Variants in STIM2 observed in about 807,000 individuals in gnomAD.
The protein encoded by STIM2 is stromal interaction molecule 2.
A neutral mutation model predicts 85.8 loss-of-function variants in STIM2; 31 were observed. The ratio of observed to expected loss-of-function variants is 0.36; its 90% CI spans 0.27 to 0.49. The LOEUF is 0.49. Among genes scored for constraint, STIM2 ranks in the 20% least tolerant of loss-of-function variants. STIM2 has a pLI of 0.98. For missense variants in STIM2, 841 were observed against 927.6 expected, an observed-to-expected ratio of 0.91 and a Z score of 1.21; for synonymous variants, 356 against 331.1, an observed-to-expected ratio of 1.08 and a Z score of -0.82.
At position 26,954,463 on chromosome 4, in the gene STIM2, A is replaced by G. The variant is rs1378049922; in HGVS notation, c.283-3149A>G. 2.0e-5 allele frequency among the ~76,000 whole-genome samples: 3 copies of G among 148,402 alleles called. No individual in the cohort carries two copies. In the East Asian group the frequency reaches 5.8e-4, roughly 29 times the overall value. On this transcript the variant is annotated intron_variant, in intron 2 of 11. Transcript: ENST00000467087. ...TTGAAGACTCACTTCATTGAATTTC[A>G]GATCCTATTTTCAGATTTCTCAATT...
chr4:27,002,787 C>T, intron 6 of STIM2, 140 bp from the exon 7 acceptor site: 1 of 833,772 alleles, frequency 1.2e-6, no homozygotes, highest in South Asian at 3.2e-5. Context: ...TTGTATTAAC[C>T]AAACTTAAGG....
chr4:26,899,110 T>TA (rs1445987620), intron 1 of STIM2, among the ~76,000 whole-genome samples: 1 of 152,046 alleles, frequency 6.6e-6, no homozygotes, highest in African/African-American at 2.4e-5. Flanking sequence ...AAGATTAAGG[T>TA]ATTCCCTTAT....
chr4:26,867,028 G>T (rs1308278299), intron 1 of STIM2, among the ~76,000 whole-genome samples: 4 of 152,084 alleles, frequency 2.6e-5, no homozygotes, highest in African/African-American at 9.7e-5. Flanking sequence ...TGGGTGGATG[G>T]CAATGAGGAG....
At chr4:27,008,315 G>A (rs963474555) in intron 8 of STIM2, 113 bp from the exon 9 acceptor site, 31 of 579,554 alleles carry the variant, frequency 5.3e-5, no homozygotes, top group Non-Finnish European at 4.1e-5. Context: ...TTCTCTACTG[G>A]TTTTATGATT....
chr4:26,887,553 T>C (rs1011892161), intron 1 of STIM2, among the ~76,000 whole-genome samples: 3 of 152,194 alleles, frequency 2.0e-5, no homozygotes, highest in Admixed American at 1.3e-4. Context: ...AAGTTCTTTG[T>C]TGCATTAAAC....
intron 1 of STIM2, among the ~76,000 whole-genome samples, chr4:26,893,952 G>T (rs1341268337): frequency 6.6e-6 from 1 of 152,018 alleles, no homozygotes; most frequent in Non-Finnish European, 1.5e-5. Context: ...GCAGTGGCGT[G>T]ATCTCAGCTC....
At chr4:27,002,143 T>TA in intron 5 of STIM2, 74 bp from the exon 6 acceptor site, 1 of 1,427,538 alleles carries the variant, frequency 7.0e-7, no homozygotes, top group South Asian at 1.5e-5. Context: ...AGATACTACT[T>TA]AAAAAATGTC....
At chr4:26,960,729 C>G (rs1726419778) in intron 3 of STIM2, among the ~76,000 whole-genome samples, 1 of 152,050 alleles carries the variant, frequency 6.6e-6, no homozygotes, top group African/African-American at 2.4e-5. Flanking sequence ...TTACTCAAAA[C>G]CTGTACAACT....
chr4:26,876,399 C>G (rs192485589), intron 1 of STIM2, among the ~76,000 whole-genome samples: 5 of 152,212 alleles, frequency 3.3e-5, no homozygotes, highest in Admixed American at 2.6e-4. Flanking sequence ...GTGGACTTTA[C>G]CTAGGTTTCC....
chr4:26,954,957 A>G (rs1365769870), intron 2 of STIM2, among the ~76,000 whole-genome samples: 3 of 147,126 alleles, frequency 2.0e-5, no homozygotes, highest in Non-Finnish European at 4.5e-5. Context: ...CATTGTGTTT[A>G]TTCAATTTTC....
intron 10 of STIM2, among the ~76,000 whole-genome samples, chr4:27,012,325 T>A (rs539375464): frequency 2.0e-5 from 3 of 151,746 alleles, no homozygotes; most frequent in South Asian, 2.1e-4. Flanking sequence ...GTTTAAAAAA[T>A]TTTTTTTTGA....
intron 1 of STIM2, among the ~76,000 whole-genome samples, chr4:26,908,324 G>A (rs1272512611): frequency 1.3e-5 from 2 of 152,186 alleles, no homozygotes; most frequent in East Asian, 1.9e-4. Context: ...TTGGACAGAC[G>A]TGGGCTGAAT....
At chr4:26,975,693 T>G (rs1202665987) in intron 3 of STIM2, among the ~76,000 whole-genome samples, 1 of 152,204 alleles carries the variant, frequency 6.6e-6, no homozygotes, top group Non-Finnish European at 1.5e-5. Flanking sequence ...GTCTCCCAGT[T>G]AGGCTACACA....
chr4:26,918,228 C>CT (rs367780616), intron 1 of STIM2, among the ~76,000 whole-genome samples: 11,512 of 130,488 alleles, frequency 0.088, 487 homozygotes, highest in South Asian at 0.12. Flanking sequence ...ATCAGTTTGA[C>CT]TTTTTTTTTT....
chr4:26,957,747 T>G, intron 3 of STIM2, 21 bp downstream of exon 3: 1 of 1,483,206 alleles, frequency 6.7e-7, no homozygotes, highest in Non-Finnish European at 9.3e-7. Context: ...CTTTGTGATC[T>G]GGCCCCCTCC....
chr4:26,891,404 G>A (rs768655241), intron 1 of STIM2, among the ~76,000 whole-genome samples: 2 of 152,124 alleles, frequency 1.3e-5, no homozygotes, highest in Non-Finnish European at 2.9e-5. Flanking sequence ...TTGGACTCAA[G>A]TAAAACATAA....
chr4:26,949,709 T>C (rs972186052), intron 2 of STIM2, among the ~76,000 whole-genome samples: 2 of 152,162 alleles, frequency 1.3e-5, no homozygotes, highest in African/African-American at 4.8e-5. Context: ...CGTATGTGTG[T>C]GTATTAACTT....
rs545434935 is a variant in STIM2 at position 26,966,469 on chromosome 4, A to G, written c.397+8743A>G. Among the ~76,000 whole-genome samples, 211 of 152,272 alleles carry G rather than the reference A, an allele frequency of 1.4e-3. 1 individual carries two copies. Among genetic ancestry groups the G allele is most frequent in the African/African-American group, 5.0e-3 (206 of 41,568 alleles). On this transcript the variant is annotated intron_variant, in intron 3 of 11. Transcript: ENST00000467087. ...GTTGAGAATGACATTGTCTTCAAAGATGGTCAGTTAACTTTTGTTTCTTTC... is the reference window on the plus strand; with the variant it reads ...GTTGAGAATGACATTGTCTTCAAAGGTGGTCAGTTAACTTTTGTTTCTTTC...
At chr4:26,870,195 A>G (rs374079986) in intron 1 of STIM2, among the ~76,000 whole-genome samples, 1 of 152,124 alleles carries the variant, frequency 6.6e-6, no homozygotes, top group Non-Finnish European at 1.5e-5. Flanking sequence ...AACATAAATA[A>G]GTTCGGAGAT....
Sources: allele counts gnomAD v4.1 joint callset (sites outside exome capture counted in the v4.1 genomes callset), GRCh38; gene constraint gnomAD v4.1.1; transcripts MANE v1.5; gene names NCBI Gene and HGNC (gene_info 2026-07-23, HGNC 2026-07-21).